The following CNTN6 variants were observed in gnomAD, a reference collection of about 807,000 sequenced individuals.
CNTN6 encodes contactin-6.
CNTN6 carries 137 observed loss-of-function variants against 122.8 expected under a neutral mutation model. That is an observed-to-expected ratio of 1.12 (90% CI 0.97 to 1.29). The LOEUF (loss-of-function observed/expected upper bound fraction) is 1.29, where lower values mean the gene tolerates loss of function less well. Ranked by LOEUF, CNTN6 falls within the 50% of genes most tolerant of loss-of-function variation. The pLI, the probability that CNTN6 is intolerant of heterozygous loss-of-function variation, is 0.00. For synonymous variants in CNTN6, 570 were observed against 426.0 expected, an observed-to-expected ratio of 1.34 and a Z score of -4.16; for missense variants, 1,634 against 1,223.4, an observed-to-expected ratio of 1.34 and a Z score of -5.01.
In CNTN6 at chr3:1,383,115, G is replaced by T; in HGVS notation, c.2340G>T (p.Val780=). Residue 780 remains valine, a synonymous_variant, in exon 18 of 23, where the codon GTG becomes GTT. Coordinates refer to ENST00000446702, the MANE Select transcript of CNTN6 (RefSeq NM_001289080.2). ...PLSPFEVKVG[V]YNNEGEGSLS... The stretch of plus-strand genomic sequence containing the variant: ...CTCCCTTTGAAGTCAAAGTGGGTGT[G>T]TATAATAATGAAGGAGAAGGATCCC... The T allele has an allele frequency of 6.2e-7, 1 of 1,614,056 alleles. No individual in the cohort carries two copies. Among genetic ancestry groups the T allele is most frequent in the Non-Finnish European group, 8.5e-7 (1 of 1,179,946 alleles).
At chr3:1,236,663 CA>C (rs1210790164) in intron 4 of CNTN6, among the ~76,000 whole-genome samples, 1 of 152,126 alleles carries the variant, frequency 6.6e-6, no homozygotes, top group Non-Finnish European at 1.5e-5. Flanking sequence ...GATAATATGA[CA>C]AAATAAGGTT....
chr3:1,303,332 CT>C lies in CNTN6; in HGVS notation c.761+5349del, dbSNP rs898833591. On this transcript the variant is annotated intron_variant, in intron 7 of 22. Coordinates refer to ENST00000446702, the MANE Select transcript of CNTN6 (RefSeq NM_001289080.2). ...AGACTGTTTTTTAGCAGGCTTTGCA[CT>C]TTTTTTTGAATCCTGGTCATTATTA... Among the ~76,000 whole-genome samples, 437 of 151,982 alleles carry C rather than the reference CT, an allele frequency of 2.9e-3. 2 individuals are homozygous for C. The highest frequency in any genetic ancestry group is 0.01 in the African/African-American group (416 of 41,486).
At chr3:1,212,137 C>A (rs17035611) in intron 2 of CNTN6, among the ~76,000 whole-genome samples, 14,635 of 151,934 alleles carry the variant, frequency 0.096, 1,637 homozygotes, top group East Asian at 0.49. Context: ...TAGGGCAGAA[C>A]CCTTTATGCA....
At chr3:1,292,975 T>C (rs1566376) in intron 5 of CNTN6, among the ~76,000 whole-genome samples, 2 of 151,546 alleles carry the variant, frequency 1.3e-5, no homozygotes, top group South Asian at 4.2e-4. Context: ...AGGTTTTTTT[T>C]CCCACATGAC....
At chr3:1,291,533 C>T (rs1695327250) in intron 5 of CNTN6, among the ~76,000 whole-genome samples, 1 of 152,146 alleles carries the variant, frequency 6.6e-6, no homozygotes, top group African/African-American at 2.4e-5. Context: ...CACAAATAGG[C>T]ATTGAATAAG....
chr3:1,291,718 C>G (rs1429192325), intron 5 of CNTN6, among the ~76,000 whole-genome samples: 1 of 152,124 alleles, frequency 6.6e-6, no homozygotes, highest in East Asian at 1.9e-4. Flanking sequence ...CAAACAAAAA[C>G]CTTTGAGCAT....
At chr3:1,276,878 T>C (rs1334332011) in intron 4 of CNTN6, among the ~76,000 whole-genome samples, 2 of 152,198 alleles carry the variant, frequency 1.3e-5, no homozygotes, top group Non-Finnish European at 2.9e-5. Context: ...GTCACTCAAA[T>C]ACCCGGGTGA....
At chr3:1,386,901 T>C (rs890048508) in intron 20 of CNTN6, among the ~76,000 whole-genome samples, 1 of 151,774 alleles carries the variant, frequency 6.6e-6, no homozygotes, top group South Asian at 2.1e-4. Flanking sequence ...ATTCCCCTTA[T>C]GCGTATATAT....
At chr3:1,346,545 T>A (rs1045448067) in intron 11 of CNTN6, among the ~76,000 whole-genome samples, 12 of 152,100 alleles carry the variant, frequency 7.9e-5, no homozygotes, top group African/African-American at 2.9e-4. Context: ...CCATGTGACC[T>A]CTTTGTACAC....
intron 4 of CNTN6, among the ~76,000 whole-genome samples, chr3:1,251,177 C>G (rs1477957917): frequency 6.6e-6 from 1 of 152,180 alleles, no homozygotes; most frequent in Admixed American, 6.5e-5. Context: ...TTCTTTCGTT[C>G]TGTTGCCCTT....
chr3:1,204,750 T>G (rs2125445826), intron 2 of CNTN6, among the ~76,000 whole-genome samples: 1 of 152,328 alleles, frequency 6.6e-6, no homozygotes, highest in South Asian at 2.1e-4. Flanking sequence ...TTGCTGTTGC[T>G]CTTGTTTTTC....
chr3:1,141,621 AT>A (rs2092610155), intron 1 of CNTN6, among the ~76,000 whole-genome samples: 1 of 152,170 alleles, frequency 6.6e-6, no homozygotes, highest in Non-Finnish European at 1.5e-5. Context: ...AAAAGGTATA[AT>A]TTGTAATTGA....
Position 1,350,530 on chromosome 3 carries a change from G to C in CNTN6, c.1365-1794G>C, listed in dbSNP as rs534309449. Among the ~76,000 whole-genome samples the C allele has an allele frequency of 1.2e-4, 18 of 151,884 alleles. No individual in the cohort carries two copies. The South Asian group carries it at 3.7e-3, about 32-fold the overall frequency. The stretch of plus-strand genomic sequence containing the variant: ...TTGATGTGTTGATTAGGATTTCATA[G>C]AAATAATCAGCCTCAATGATGGCAA... On this transcript the variant is annotated intron_variant, in intron 11 of 22. Coordinates refer to ENST00000446702, the MANE Select transcript of CNTN6 (RefSeq NM_001289080.2).
chr3:1,201,929 T>C (rs1218684235), intron 2 of CNTN6, among the ~76,000 whole-genome samples: 1 of 152,172 alleles, frequency 6.6e-6, no homozygotes, highest in African/African-American at 2.4e-5. Flanking sequence ...CAGGTGCAAA[T>C]ATCTTAACAG....
intron 11 of CNTN6, among the ~76,000 whole-genome samples, chr3:1,336,411 A>C (rs1703073677): frequency 6.6e-6 from 1 of 152,106 alleles, no homozygotes; most frequent in Admixed American, 6.6e-5. Flanking sequence ...TTAAACACAA[A>C]GGCATTTTTA....
chr3:1,242,435 T>G (rs1011512444), intron 4 of CNTN6, among the ~76,000 whole-genome samples: 1 of 152,116 alleles, frequency 6.6e-6, no homozygotes, highest in Non-Finnish European at 1.5e-5. Context: ...GTCCGGTTTT[T>G]GGACAGGTAA....
chr3:1,347,844 T>A (rs1364848063), intron 11 of CNTN6, among the ~76,000 whole-genome samples: 6 of 151,514 alleles, frequency 4.0e-5, no homozygotes, highest in African/African-American at 1.2e-4. Context: ...CACGGAAGGG[T>A]TTTAAGCAGT....
At chr3:1,176,425 G>A (rs1318680806) in intron 2 of CNTN6, among the ~76,000 whole-genome samples, 1 of 152,158 alleles carries the variant, frequency 6.6e-6, no homozygotes. Context: ...AAAAGCCCCA[G>A]ATCAAACTTG....
Position 1,325,839 on chromosome 3 carries a change from T to C in CNTN6, c.971T>C (p.Ile324Thr). Residue 324 changes from isoleucine (I) to threonine (T), a missense_variant, in exon 9 of 23, where the codon ATC (isoleucine) becomes ACC (threonine). Coordinates refer to ENST00000446702, the MANE Select transcript of CNTN6 (RefSeq NM_001289080.2). ...GCTCCTCCAGAATGGGAACAGAAAATCCAAAATACACACCTCTCTATCTAT... is the reference window on the plus strand; with the variant it reads ...GCTCCTCCAGAATGGGAACAGAAAACCCAAAATACACACCTCTCTATCTAT... Reference protein sequence around the residue: ...FYAPPEWEQKIQNTHLSIYDN... With the variant: ...FYAPPEWEQKTQNTHLSIYDN... 6.2e-7 allele frequency: 1 copy of C among 1,610,594 alleles called. No homozygotes were observed. The highest frequency in any genetic ancestry group is 1.1e-5 in the South Asian group (1 of 90,670).
Sources: gnomAD v4.1 joint callset for allele counts (sites outside exome capture counted in the v4.1 genomes callset) on GRCh38, gnomAD v4.1.1 for gene constraint, MANE v1.5 for transcripts, NCBI Gene and HGNC (gene_info 2026-07-23, HGNC 2026-07-21) for gene names.